Variants in CCSER1 observed in about 807,000 individuals in gnomAD.
CCSER1 encodes the protein serine-rich coiled-coil domain-containing protein 1.
In CCSER1, 41 loss-of-function variants were observed where a neutral mutation model predicts 82.0. The ratio of observed to expected loss-of-function variants is 0.50; its 90% CI spans 0.39 to 0.65. The LOEUF (loss-of-function observed/expected upper bound fraction) is 0.65. CCSER1 is among the 30% of genes least tolerant of loss of function. The pLI is 0.00. For missense variants in CCSER1, 1,119 were observed against 1,064.2 expected, an observed-to-expected ratio of 1.05 and a Z score of -0.72; for synonymous variants, 414 against 383.9, an observed-to-expected ratio of 1.08 and a Z score of -0.92.
At chr4:91,099,201 T>C (rs1724813932) in intron 10 of CCSER1, among the ~76,000 whole-genome samples, 1 of 152,198 alleles carries the variant, frequency 6.6e-6, no homozygotes, top group Non-Finnish European at 1.5e-5. Context: ...AGAGATCCCA[T>C]TCTTAGTTTC....
At chr4:91,459,640 GA>G (rs1334210894) in intron 10 of CCSER1, among the ~76,000 whole-genome samples, 3 of 151,636 alleles carry the variant, frequency 2.0e-5, no homozygotes, top group East Asian at 1.9e-4. Context: ...AAGTTCTTGG[GA>G]AAAAAAATGG....
chr4:90,627,585 A>G (rs941604772), intron 5 of CCSER1, among the ~76,000 whole-genome samples: 2 of 152,110 alleles, frequency 1.3e-5, no homozygotes, highest in African/African-American at 4.8e-5. Context: ...TTTTAATGGA[A>G]AGATTATATC....
intron 10 of CCSER1, among the ~76,000 whole-genome samples, chr4:91,508,558 GT>G (rs201824630): frequency 0.029 from 3,856 of 133,342 alleles, 113 homozygotes; most frequent in African/African-American, 0.076. Context: ...CTGGTCTGTA[GT>G]TTTTTTTTTT....
At chr4:91,504,964 T>C (rs910050682) in intron 10 of CCSER1, among the ~76,000 whole-genome samples, 2 of 152,218 alleles carry the variant, frequency 1.3e-5, no homozygotes. Context: ...AGTTCCTGGG[T>C]ACATGTGCAG....
chr4:90,276,239 TTTCTTTCTTTCTTTCCTTCCTTCCTTCC>T (rs1727620059), intron 1 of CCSER1, among the ~76,000 whole-genome samples: 5 of 110,270 alleles, frequency 4.5e-5, no homozygotes, highest in South Asian at 3.5e-4. Flanking sequence ...TCTTTCTTTC[TTTCTTTCTTTCTTTCCTTCCTTCCTTCC>T]TTCCTTCCTT....
intron 10 of CCSER1, among the ~76,000 whole-genome samples, chr4:91,296,942 A>C (rs1256664921): frequency 6.6e-6 from 1 of 151,778 alleles, no homozygotes; most frequent in Admixed American, 6.6e-5. Flanking sequence ...TATATTTTTT[A>C]AAAAATACAT....
At chr4:91,466,484 G>T (rs900280265) in intron 10 of CCSER1, among the ~76,000 whole-genome samples, 1 of 152,148 alleles carries the variant, frequency 6.6e-6, no homozygotes, top group African/African-American at 2.4e-5. Context: ...ATTCAACATA[G>T]GGTTGGAAGT....
chr4:91,152,904 A>G (rs1413799168), intron 10 of CCSER1, among the ~76,000 whole-genome samples: 2 of 151,266 alleles, frequency 1.3e-5, no homozygotes, highest in Non-Finnish European at 3.0e-5. Context: ...AGGCTTCCCT[A>G]TTTGGGTAAC....
At chr4:91,245,994 C>G (rs1739745277) in intron 10 of CCSER1, among the ~76,000 whole-genome samples, 2 of 152,076 alleles carry the variant, frequency 1.3e-5, no homozygotes, top group Admixed American at 6.5e-5. Context: ...CCATGCCTGG[C>G]CAGAAAATGA....
At chr4:91,216,429 C>G (rs1737245750) in intron 10 of CCSER1, among the ~76,000 whole-genome samples, 1 of 152,152 alleles carries the variant, frequency 6.6e-6, no homozygotes, top group Non-Finnish European at 1.5e-5. Context: ...ACGCCATTCT[C>G]CTGCCTCAGC....
chr4:91,320,050 C>T (rs1203970814), intron 10 of CCSER1, among the ~76,000 whole-genome samples: 1 of 152,018 alleles, frequency 6.6e-6, no homozygotes, highest in Admixed American at 6.6e-5. Flanking sequence ...GTCTGTGCTA[C>T]CTGCCCTAGC....
chr4:90,413,981 AATAT>A (rs70963066), intron 4 of CCSER1, among the ~76,000 whole-genome samples: 1,421 of 52,398 alleles, frequency 0.027, 32 homozygotes, highest in African/African-American at 0.038. Flanking sequence ...AAAAAAAAAA[AATAT>A]ATATATATAT....
chr4:90,764,856 C>A (rs553728173), intron 7 of CCSER1, among the ~76,000 whole-genome samples: 1 of 151,998 alleles, frequency 6.6e-6, no homozygotes, highest in African/African-American at 2.4e-5. Flanking sequence ...CTCTTTTTAC[C>A]GCTGGCTTGT....
intron 5 of CCSER1, among the ~76,000 whole-genome samples, chr4:90,597,209 A>G (rs1783447594): frequency 6.6e-6 from 1 of 151,970 alleles, no homozygotes; most frequent in Admixed American, 6.6e-5. Flanking sequence ...AAAATACCGT[A>G]ACCTGCAGTA....
At chr4:90,566,333 C>T (rs1779374034) in intron 5 of CCSER1, among the ~76,000 whole-genome samples, 1 of 151,292 alleles carries the variant, frequency 6.6e-6, no homozygotes, top group South Asian at 2.1e-4. Flanking sequence ...ATTCTTTCCT[C>T]TTCTGTTTTT....
intron 5 of CCSER1, among the ~76,000 whole-genome samples, chr4:90,500,817 G>A (rs1429182366): frequency 6.6e-6 from 1 of 151,992 alleles, no homozygotes; most frequent in Non-Finnish European, 1.5e-5. Context: ...TCGAAATTAT[G>A]CCCAATATAG....
chr4:91,553,446 A>G (rs1003339323), intron 10 of CCSER1, among the ~76,000 whole-genome samples: 13 of 150,738 alleles, frequency 8.6e-5, no homozygotes, highest in African/African-American at 2.7e-4. Context: ...CTTCTTTAAT[A>G]TTTTAAGAAA....
At chr4:91,221,937 A>G (rs1351990450) in intron 10 of CCSER1, among the ~76,000 whole-genome samples, 2 of 152,138 alleles carry the variant, frequency 1.3e-5, no homozygotes, top group Non-Finnish European at 2.9e-5. Flanking sequence ...AAATAAATAA[A>G]TTATAATGAA....
chr4:91,185,265 A>G (rs1031579273), intron 10 of CCSER1, among the ~76,000 whole-genome samples: 4 of 152,236 alleles, frequency 2.6e-5, no homozygotes, highest in African/African-American at 9.6e-5. Flanking sequence ...TGGCACAATT[A>G]GGAGCTGTGC....
Sources: gnomAD v4.1 joint callset for allele counts (sites outside exome capture counted in the v4.1 genomes callset) on GRCh38, gnomAD v4.1.1 for gene constraint, MANE v1.5 for transcripts, NCBI Gene and HGNC (gene_info 2026-07-23, HGNC 2026-07-21) for gene names.